Variants in SRCIN1 observed in about 807,000 individuals in gnomAD.
SRCIN1 encodes SRC kinase signaling inhibitor 1.
In SRCIN1, 50 loss-of-function variants were observed where a neutral mutation model predicts 116.2. The observed-to-expected ratio is 0.43, with a 90% CI of 0.34 to 0.54. The LOEUF (loss-of-function observed/expected upper bound fraction) is 0.54. Ranked by LOEUF, SRCIN1 falls within the 20% of genes least tolerant of loss-of-function variation. The pLI, the probability that SRCIN1 is intolerant of heterozygous loss-of-function variation, is 0.02. For missense variants in SRCIN1, 1,446 were observed against 1,672.0 expected, an observed-to-expected ratio of 0.86 and a Z score of 2.36; for synonymous variants, 736 against 750.0, an observed-to-expected ratio of 0.98 and a Z score of 0.30.
chr17:38,552,231 G>C lies in SRCIN1; in HGVS notation c.2481-99C>G. The C allele has an allele frequency of 1.3e-6, 2 of 1,517,588 alleles. No homozygotes were observed. Among genetic ancestry groups the C allele is most frequent in the South Asian group, 2.6e-5 (2 of 77,370 alleles). The allele number at this position is 1,517,588 out of a possible 1,614,324, so 94.0% of individuals were successfully genotyped here. ...GGAGGTGGGGTGGGAGGCAGGCTCT[G>C]GGATGCTGTGGGAGGGCCTGGGGAG... On this transcript the variant is annotated intron_variant, in intron 13 of 18. Coordinates refer to ENST00000617146, the MANE Select transcript of SRCIN1 (RefSeq NM_025248.3). The surrounding 1 kb of genome is among the most constrained non-coding windows in gnomAD (Gnocchi z 5.3).
chr17:38,564,165 C>T lies in SRCIN1; in HGVS notation c.494G>A (p.Ser165Asn), dbSNP rs1906500403. ...GFSRMNRFRQ[S>N]LPLSRSASQT... Reference sequence around the variant, plus strand: ...GCTGGCCGAGCGGGAGAGAGGCAGGCTCTGTCGGAAGCGGTTCATCCTGCT... The same window carrying T: ...GCTGGCCGAGCGGGAGAGAGGCAGGTTCTGTCGGAAGCGGTTCATCCTGCT... Residue 165 changes from serine to asparagine, a missense_variant, in exon 4 of 19, where the codon AGC (serine) becomes AAC (asparagine). This residue lies in a region of SRCIN1 where 246 missense variants were observed against 265.1 expected (regional missense o/e 0.93). Transcript: ENST00000617146. 1.9e-6 allele frequency: 3 copies of T among 1,597,600 alleles called. No homozygotes were observed. The highest frequency in any genetic ancestry group is 1.7e-6 in the Non-Finnish European group (2 of 1,173,070).
At chr17:38,547,852 GA>G in intron 17 of SRCIN1, 1 of 201,432 alleles carries the variant, frequency 5.0e-6, no homozygotes, top group Non-Finnish European at 1.0e-5. Flanking sequence ...GCGTGGGGGG[GA>G]GGGAAGACAC....
rs576502433 is a variant in SRCIN1 at position 38,568,605 on chromosome 17, G to A, written c.325-374C>T. Among the ~76,000 whole-genome samples the A allele has an allele frequency of 1.3e-5, 2 of 152,292 alleles. No homozygotes were observed. The highest frequency in any genetic ancestry group is 3.9e-4 in the East Asian group (2 of 5,176). The stretch of plus-strand genomic sequence containing the variant: ...ACAGTGCTTGGAAGAGGTGGCATTT[G>A]AGTTGGGTCTGGAAAAACGAGCAGC... On this transcript the variant is annotated intron_variant, in intron 2 of 18. Coordinates refer to ENST00000617146, the MANE Select transcript of SRCIN1 (RefSeq NM_025248.3). The surrounding 1 kb of genome is among the most constrained non-coding windows in gnomAD (Gnocchi z 4.5).
At chr17:38,550,402 G>A (rs560603930) in intron 15 of SRCIN1, among the ~76,000 whole-genome samples, 2 of 152,286 alleles carry the variant, frequency 1.3e-5, no homozygotes, top group African/African-American at 2.4e-5. Context: ...GCTGAGGCAG[G>A]AGAATGGCGA....
rs1242067126 is a variant in SRCIN1 at position 38,530,869 on chromosome 17, T to G, written c.*2428A>C. 6.6e-6 allele frequency: 1 copy of G among 152,288 alleles called. No individual in the cohort carries two copies. The highest frequency in any genetic ancestry group is 1.9e-4 in the East Asian group (1 of 5,186). 9.4% of individuals were successfully genotyped at this position (152,288 alleles called of 1,614,324 possible). A position where few individuals can be genotyped will look rare whatever the true frequency, so the allele number is the denominator to read the frequency against. ...GTGCCCACGCCTTCCCCCACACATG[T>G]GCTCGGCCATGCCTGTGGGTGCAGG... On this transcript the variant is annotated 3_prime_UTR_variant, in exon 19 of 19. Transcript: ENST00000617146.
At chr17:38,535,357 C>CCT (rs2040987052) in intron 18 of SRCIN1, among the ~76,000 whole-genome samples, 1 of 151,916 alleles carries the variant, frequency 6.6e-6, no homozygotes, top group Admixed American at 6.6e-5. Context: ...TACAGGCATG[C>CCT]GCCACCACGC....
intron 1 of SRCIN1, among the ~76,000 whole-genome samples, chr17:38,598,154 G>A (rs1207694405): frequency 6.6e-6 from 1 of 152,142 alleles, no homozygotes; most frequent in Non-Finnish European, 1.5e-5. Flanking sequence ...CCTTGCCTCT[G>A]CACAGAGTCC....
chr17:38,559,633 G>A lies in SRCIN1; in HGVS notation c.1977C>T (p.Asn659=), dbSNP rs1051212195. Residue 659 remains asparagine, a synonymous_variant, in exon 10 of 19, where the codon AAC becomes AAT. Transcript: ENST00000617146. The part of the protein sequence containing the change: ...QMQLHLRGLQ[N]SASDLRGQLQ... Reference sequence around the variant, plus strand: ...GCTGGCCGCGCAAGTCACTGGCGCTGTTCTGCAGGCCTCGCAGGTGAAGCT... The same window carrying A: ...GCTGGCCGCGCAAGTCACTGGCGCTATTCTGCAGGCCTCGCAGGTGAAGCT... 3.1e-6 allele frequency: 5 copies of A among 1,603,388 alleles called. No homozygotes were observed. The highest frequency in any genetic ancestry group is 1.1e-5 in the South Asian group (1 of 90,954).
Position 38,560,062 on chromosome 17 carries a change from G to C in SRCIN1, c.1829C>G (p.Pro610Arg), listed in dbSNP as rs767209847. 6.4e-7 allele frequency: 1 copy of C among 1,558,160 alleles called. No homozygotes were observed. Among genetic ancestry groups the C allele is most frequent in the Non-Finnish European group, 8.7e-7 (1 of 1,151,040 alleles). ...GGGGGAGGTTCACTCACGTGCTGAGGGGGTGGCTGCTCCATTGGAGCCTTC... is the reference window on the plus strand; with the variant it reads ...GGGGGAGGTTCACTCACGTGCTGAGCGGGTGGCTGCTCCATTGGAGCCTTC... ...KIEGSNGAAT[P>R]SAPCGSGGRS... The change falls in exon 9 of 19, where the codon CCC becomes CGC. Residue 610 changes from proline (P) to arginine (R), a missense_variant. Physicochemically the swap from Pro to Arg is moderately radical, Grantham distance 103. Around this residue, in one of 5 missense-constraint regions of SRCIN1, gnomAD observed 398 missense variants for 385.6 expected, o/e 1.03. Transcript: ENST00000617146.
intron 2 of SRCIN1, among the ~76,000 whole-genome samples, chr17:38,576,405 G>A (rs529287488): frequency 9.9e-5 from 15 of 152,022 alleles, no homozygotes; most frequent in Non-Finnish European, 2.2e-4. Flanking sequence ...CTTGTCCAGG[G>A]GCCTTTTTTC....
intron 1 of SRCIN1, among the ~76,000 whole-genome samples, chr17:38,591,208 AAGG>A (rs1908422654): frequency 6.6e-6 from 1 of 152,232 alleles, no homozygotes; most frequent in Admixed American, 6.5e-5. Context: ...ACTTCCAGGA[AAGG>A]AGAACTCATT....
At chr17:38,588,967 G>A (rs771400416) in intron 1 of SRCIN1, among the ~76,000 whole-genome samples, 10 of 152,278 alleles carry the variant, frequency 6.6e-5, no homozygotes, top group South Asian at 6.2e-4. Flanking sequence ...TCCCTCGGCC[G>A]CTAGAACCAG....
In SRCIN1 at chr17:38,561,753, C is replaced by T; in HGVS notation, c.1410G>A (p.Leu470=). 1 of 1,511,538 alleles carries T rather than the reference C, an allele frequency of 6.6e-7. No homozygotes were observed. Among genetic ancestry groups the T allele is most frequent in the African/African-American group, 1.4e-5 (1 of 70,506 alleles). The allele number at this position is 1,511,538 out of a possible 1,614,324, so 93.6% of individuals were successfully genotyped here. ...CCAGCTTCTGCGGTGACGAAGGCGG[C>T]AGGCGGAAGCCGTAGCCGTCGCCGT... ...PLYGDGYGFR[L]PPSSPQKLAD... The change falls in exon 7 of 19, where the codon CTG becomes CTA. Residue 470 remains leucine (L), a synonymous_variant. Transcript: ENST00000617146.
upstream of SRCIN1, chr17:38,606,031 T>A (rs1033742373): frequency 7.4e-6 from 1 of 135,526 alleles, no homozygotes; most frequent in Admixed American, 7.2e-5. The surrounding 1 kb of genome is among the most constrained non-coding windows in gnomAD (Gnocchi z 5.2). Context: ...TGGCCGGAAC[T>A]TACAAAGGGC....
chr17:38,596,120 C>G (rs1480579963), intron 1 of SRCIN1, among the ~76,000 whole-genome samples: 1 of 152,222 alleles, frequency 6.6e-6, no homozygotes, highest in Non-Finnish European at 1.5e-5. Context: ...TCCCGCCGCA[C>G]GCTGGAGCCC....
chr17:38,561,429 C>T (rs777730795), intron 7 of SRCIN1, 34 bp downstream of exon 7: 37 of 1,474,974 alleles, frequency 2.5e-5, no homozygotes, highest in African/African-American at 5.8e-5. Context: ...CACCCCCCAC[C>T]CCCAGTCCCT....
intron 1 of SRCIN1, among the ~76,000 whole-genome samples, chr17:38,590,899 G>A (rs571293432): frequency 1.3e-5 from 2 of 152,268 alleles, no homozygotes; most frequent in Admixed American, 6.5e-5. Flanking sequence ...AGAAGAGAAC[G>A]CTGAAACAAC....
At chr17:38,551,110 A>G in intron 15 of SRCIN1, 45 bp downstream of exon 15, 3 of 821,030 alleles carry the variant, frequency 3.7e-6, no homozygotes, top group South Asian at 1.9e-5. Flanking sequence ...TGAGGAGGGC[A>G]CTCCCCCACG....
In SRCIN1 at chr17:38,552,556, G is replaced by A. The variant is rs1307971060; in HGVS notation, c.2371C>T (p.Leu791=). The stretch of plus-strand genomic sequence containing the variant: ...TTCACCGCCTCCACCTCCACGCGCA[G>A]CACCACCCGCATCTTGCTCTGCAGG... ...PGLQSKMRVV[L]RVEVEAVKFL... is the part of the protein sequence containing the mutation. Residue 791 remains leucine, a synonymous_variant, in exon 13 of 19, where the codon CTG becomes TTG. Coordinates refer to ENST00000617146, the MANE Select transcript of SRCIN1 (RefSeq NM_025248.3). This position sits in a 1 kb window ranked among gnomAD's most constrained non-coding sequence, Gnocchi z 5.3. 3 of 1,609,506 alleles carry A rather than the reference G, an allele frequency of 1.9e-6. No homozygotes were observed. Among genetic ancestry groups the A allele is most frequent in the East Asian group, 2.2e-5 (1 of 44,642 alleles).
Sources: allele counts gnomAD v4.1 joint callset (sites outside exome capture counted in the v4.1 genomes callset), GRCh38; gene constraint gnomAD v4.1.1; regional missense constraint gnomAD v4.1.1; non-coding constraint Gnocchi (gnomAD v3.1); transcripts MANE v1.5; gene names NCBI Gene and HGNC (gene_info 2026-07-23, HGNC 2026-07-21).